Variants in RYR3 observed in about 807,000 individuals in gnomAD.
The protein encoded by RYR3 is brain ryanodine receptor-calcium release channel.
In RYR3, 207 loss-of-function variants were observed where a neutral mutation model predicts 584.3. The ratio of observed to expected loss-of-function variants is 0.35; its 90% CI spans 0.32 to 0.40. The LOEUF (loss-of-function observed/expected upper bound fraction) is 0.40. RYR3 is among the 10% of genes least tolerant of loss of function. The pLI is 1.00. For missense variants in RYR3, 5,616 were observed against 6,089.2 expected, an observed-to-expected ratio of 0.92 and a Z score of 2.59; for synonymous variants, 2,416 against 2,248.5, an observed-to-expected ratio of 1.07 and a Z score of -2.11.
At chr15:33,559,906 C>G (rs561326790) in intron 10 of RYR3, among the ~76,000 whole-genome samples, 1 of 152,138 alleles carries the variant, frequency 6.6e-6, no homozygotes, top group South Asian at 2.1e-4. Context: ...AGTAAAGGCC[C>G]AGAGAAGGGG....
chr15:33,504,844 G>T (rs2052330916), intron 3 of RYR3, among the ~76,000 whole-genome samples: 1 of 152,022 alleles, frequency 6.6e-6, no homozygotes, highest in Admixed American at 6.6e-5. Context: ...CTTCCACATG[G>T]AACAGCTTCC....
Position 33,835,004 on chromosome 15 carries a change from A to G in RYR3, c.11500A>G (p.Ser3834Gly). Residue 3834 changes from serine to glycine, a missense_variant, in exon 87 of 104, where the codon AGC becomes GGC. Transcript: ENST00000634891. ...TGGTAATCAACAGAGCCTGGCTCAC[A>G]GCAGGCTGTGGGACGCAGTGGTTGG... The part of the protein sequence containing the change: ...CIGNQQSLAH[S>G]RLWDAVVGFL... 2 of 1,614,032 alleles carry G rather than the reference A, an allele frequency of 1.2e-6. No homozygotes were observed.
intron 7 of RYR3, among the ~76,000 whole-genome samples, chr15:33,541,103 T>TA (rs2055780186): frequency 6.6e-6 from 1 of 152,092 alleles, no homozygotes; most frequent in Non-Finnish European, 1.5e-5. Flanking sequence ...CTTTTTTTTT[T>TA]AACCCCTTGG....
intron 25 of RYR3, among the ~76,000 whole-genome samples, chr15:33,634,957 C>G (rs980777525): frequency 6.6e-6 from 1 of 152,162 alleles, no homozygotes; most frequent in Non-Finnish European, 1.5e-5. Context: ...ACTTCTATGA[C>G]TTATTCCCAC....
chr15:33,454,456 G>A (rs77294394), intron 1 of RYR3, among the ~76,000 whole-genome samples: 4,015 of 152,212 alleles, frequency 0.026, 98 homozygotes, highest in African/African-American at 0.057. Flanking sequence ...CTGGCCAAGC[G>A]AAACTCCATC....
intron 1 of RYR3, among the ~76,000 whole-genome samples, chr15:33,444,112 G>T (rs1287405264): frequency 6.6e-6 from 1 of 152,174 alleles, no homozygotes; most frequent in Non-Finnish European, 1.5e-5. Flanking sequence ...GAGACCCATA[G>T]TAAAAAGTTT....
intron 1 of RYR3, among the ~76,000 whole-genome samples, chr15:33,348,556 A>G (rs1027505154): frequency 6.6e-6 from 1 of 152,072 alleles, no homozygotes; most frequent in African/African-American, 2.4e-5. Context: ...GCTCACTGCA[A>G]CCTTTGCCTC....
intron 1 of RYR3, among the ~76,000 whole-genome samples, chr15:33,377,938 C>A: frequency 6.6e-6 from 1 of 151,944 alleles, no homozygotes; most frequent in East Asian, 1.9e-4. Flanking sequence ...ACACAACTAA[C>A]CTCAGCTAAT....
At chr15:33,392,456 C>T (rs577606488) in intron 1 of RYR3, among the ~76,000 whole-genome samples, 4 of 151,854 alleles carry the variant, frequency 2.6e-5, no homozygotes, top group East Asian at 3.9e-4. Flanking sequence ...GGAGGGTGAG[C>T]GGCAGGTCAC....
intron 42 of RYR3, among the ~76,000 whole-genome samples, chr15:33,702,535 A>T (rs1303209575): frequency 6.6e-6 from 1 of 152,168 alleles, no homozygotes; most frequent in Non-Finnish European, 1.5e-5. Context: ...GGTAGAGCAG[A>T]TCTGAGGAGG....
At chr15:33,649,330 T>C (rs1344489470) in intron 31 of RYR3, 95 bp downstream of exon 31, 2 of 1,175,084 alleles carry the variant, frequency 1.7e-6, no homozygotes, top group Non-Finnish European at 2.4e-6. Flanking sequence ...GAAGGAAACA[T>C]CTTGGCCTCT....
intron 3 of RYR3, among the ~76,000 whole-genome samples, chr15:33,507,379 A>G (rs1468955062): frequency 6.6e-6 from 1 of 152,234 alleles, no homozygotes; most frequent in Non-Finnish European, 1.5e-5. Flanking sequence ...CCTGGAGCAG[A>G]GAACATTTTG....
intron 17 of RYR3, 118 bp downstream of exon 17, chr15:33,601,670 A>G: frequency 9.4e-7 from 1 of 1,060,308 alleles, no homozygotes; most frequent in Non-Finnish European, 1.4e-6. Context: ...CCATGGTGAT[A>G]CAAGTACATA....
At chr15:33,463,760 G>GTCAAGT (rs2048231132) in intron 1 of RYR3, among the ~76,000 whole-genome samples, 1 of 152,140 alleles carries the variant, frequency 6.6e-6, no homozygotes, top group African/African-American at 2.4e-5. Context: ...AGCTTTTATG[G>GTCAAGT]TCAAGCTCAA....
At chr15:33,680,740 G>A (rs1204799948) in intron 38 of RYR3, among the ~76,000 whole-genome samples, 2 of 152,196 alleles carry the variant, frequency 1.3e-5, no homozygotes, top group Non-Finnish European at 2.9e-5. Context: ...AAGTTGGAGA[G>A]GCAGAAAACT....
At chr15:33,490,785 G>A (rs550894943) in intron 2 of RYR3, among the ~76,000 whole-genome samples, 14 of 148,414 alleles carry the variant, frequency 9.4e-5, no homozygotes, top group Non-Finnish European at 1.9e-4. Context: ...AGAACTTTTT[G>A]ATGTTTATGA....
chr15:33,438,851 C>G (rs572372733), intron 1 of RYR3, among the ~76,000 whole-genome samples: 5 of 151,966 alleles, frequency 3.3e-5, no homozygotes, highest in African/African-American at 7.3e-5. Flanking sequence ...CAAAAATACA[C>G]CTGCACATAA....
chr15:33,380,356 T>TG (rs1215531931), intron 1 of RYR3, among the ~76,000 whole-genome samples: 1 of 152,122 alleles, frequency 6.6e-6, no homozygotes. Context: ...GGACTGGGGA[T>TG]GGGGGATAGT....
intron 3 of RYR3, among the ~76,000 whole-genome samples, chr15:33,506,808 GTAAT>G (rs2052525423): frequency 6.6e-6 from 1 of 152,096 alleles, no homozygotes; most frequent in South Asian, 2.1e-4. Context: ...CTTTTCTGAA[GTAAT>G]TACTGTACAC....
Sources: allele counts gnomAD v4.1 joint callset (sites outside exome capture counted in the v4.1 genomes callset), GRCh38; gene constraint gnomAD v4.1.1; transcripts MANE v1.5; gene names NCBI Gene and HGNC (gene_info 2026-07-23, HGNC 2026-07-21).